The following PARVA variants were observed in gnomAD, a reference collection of about 807,000 sequenced individuals.
PARVA encodes the protein parvin alpha.
PARVA carries 25 observed loss-of-function variants against 52.6 expected under a neutral mutation model. The observed-to-expected ratio is 0.48, with a 90% confidence interval of 0.35 to 0.66. The LOEUF (loss-of-function observed/expected upper bound fraction) is 0.66. PARVA is among the 30% of genes least tolerant of loss of function. PARVA has a pLI of 0.01. For missense variants in PARVA, 373 were observed against 450.9 expected (o/e 0.83, Z 1.56); for synonymous variants, 185 against 179.1 (o/e 1.03, Z -0.26).
chr11:12,505,261 C>T (rs151271786), intron 6 of PARVA, among the ~76,000 whole-genome samples: 114 of 152,290 alleles, frequency 7.5e-4, no homozygotes, highest in African/African-American at 2.6e-3. Context: ...AGCTCCCTGG[C>T]GATCCAGGCT....
chr11:12,474,951 CAA>C (rs373253926), intron 3 of PARVA, among the ~76,000 whole-genome samples: 2,257 of 126,720 alleles, frequency 0.018, 44 homozygotes, highest in African/African-American at 0.056. Context: ...GACCCTGTCT[CAA>C]AAAAAAAAAA....
intron 1 of PARVA, among the ~76,000 whole-genome samples, chr11:12,438,042 C>T (rs554737500): frequency 3.2e-4 from 49 of 152,112 alleles, no homozygotes; most frequent in South Asian, 1.7e-3. Flanking sequence ...GGGTGGATCA[C>T]GATGTCAGGA....
intron 4 of PARVA, among the ~76,000 whole-genome samples, chr11:12,488,997 G>A (rs1419031388): frequency 6.6e-6 from 1 of 152,022 alleles, no homozygotes; most frequent in Non-Finnish European, 1.5e-5. Flanking sequence ...ATAATCTGTA[G>A]ATTCATCCCA....
chr11:12,473,645 G>T (rs1326096257), intron 1 of PARVA, 100 bp from the exon 2 acceptor site: 1 of 878,650 alleles, frequency 1.1e-6, no homozygotes. Flanking sequence ...CCCTTAGTGG[G>T]TTTTTTTCTC....
chr11:12,419,363 G>A (rs1486517986), intron 1 of PARVA, among the ~76,000 whole-genome samples: 7 of 151,544 alleles, frequency 4.6e-5, no homozygotes, highest in Non-Finnish European at 1.0e-4. Context: ...GAGTGGAATC[G>A]TATGATATTT....
At chr11:12,429,225 C>G (rs1272219484) in intron 1 of PARVA, among the ~76,000 whole-genome samples, 2 of 152,158 alleles carry the variant, frequency 1.3e-5, no homozygotes, top group African/African-American at 2.4e-5. Flanking sequence ...AAACAGTCCT[C>G]CCACCTCTGC....
chr11:12,414,558 T>A (rs1341254580), intron 1 of PARVA, among the ~76,000 whole-genome samples: 1 of 152,150 alleles, frequency 6.6e-6, no homozygotes, highest in Non-Finnish European at 1.5e-5. Context: ...AGAAAGCGTT[T>A]GGAGATGTTT....
intron 12 of PARVA, among the ~76,000 whole-genome samples, chr11:12,525,800 A>T (rs962207049): frequency 6.6e-6 from 1 of 152,140 alleles, no homozygotes; most frequent in Non-Finnish European, 1.5e-5. Context: ...AGGCCTCTCC[A>T]TGGGTCTCTG....
At chr11:12,499,550 G>A (rs1475101791) in intron 5 of PARVA, among the ~76,000 whole-genome samples, 2 of 150,692 alleles carry the variant, frequency 1.3e-5, no homozygotes, top group Non-Finnish European at 2.9e-5. Flanking sequence ...TGTATGTCTT[G>A]TATTCTTCTA....
intron 9 of PARVA, 64 bp from the exon 10 acceptor site, chr11:12,513,933 G>A (rs1265484251): frequency 2.8e-6 from 4 of 1,425,108 alleles, no homozygotes; most frequent in East Asian, 2.4e-5. Flanking sequence ...GAGTCACGGA[G>A]CAGCCACAGG....
At position 12,533,956 on chromosome 11, in the gene PARVA, C is replaced by T. The variant is rs1941804510; in HGVS notation, c.*6031C>T. Among the ~76,000 whole-genome samples, 1 of 152,034 alleles carries T rather than the reference C, an allele frequency of 6.6e-6. No homozygotes were observed. On this transcript the variant is annotated 3_prime_UTR_variant, in exon 13 of 13. Coordinates refer to ENST00000334956, the MANE Select transcript of PARVA (RefSeq NM_018222.5). Reference sequence around the variant, plus strand: ...GGCCGAGACGGACAGATCACAAGGTCAGGAGATTGAGACTATCCTGGCTAA... The same window carrying T: ...GGCCGAGACGGACAGATCACAAGGTTAGGAGATTGAGACTATCCTGGCTAA...
At chr11:12,514,668 G>C (rs1442226507) in intron 10 of PARVA, among the ~76,000 whole-genome samples, 1 of 152,128 alleles carries the variant, frequency 6.6e-6, no homozygotes, top group Admixed American at 6.5e-5. Context: ...TTTGTATTTA[G>C]TAGAGACGGG....
chr11:12,425,447 A>C (rs1286649356), intron 1 of PARVA, among the ~76,000 whole-genome samples: 1 of 152,226 alleles, frequency 6.6e-6, no homozygotes, highest in East Asian at 1.9e-4. Flanking sequence ...TTGCACCCCT[A>C]ACCCCAAAAT....
intron 1 of PARVA, among the ~76,000 whole-genome samples, chr11:12,433,435 T>C (rs1940342519): frequency 1.3e-5 from 2 of 152,204 alleles, no homozygotes; most frequent in Non-Finnish European, 2.9e-5. Flanking sequence ...GAATCAGCAA[T>C]GAAGGAAGCA....
At chr11:12,419,130 A>T (rs2134982339) in intron 1 of PARVA, among the ~76,000 whole-genome samples, 1 of 152,328 alleles carries the variant, frequency 6.6e-6, no homozygotes, top group East Asian at 1.9e-4. Context: ...AAATTGTAGT[A>T]AAATACATAT....
chr11:12,534,796 C>T lies in PARVA; in HGVS notation c.*6871C>T, dbSNP rs1056127255. The stretch of plus-strand genomic sequence containing the variant: ...CTGGAAACCCTGTCAAAGGCCTTAC[C>T]GCCTGCCTGGAGAAACACAGTGCCT... On this transcript the variant is annotated 3_prime_UTR_variant, in exon 13 of 13. Transcript: ENST00000334956. 3.3e-5 allele frequency among the ~76,000 whole-genome samples: 5 copies of T among 152,314 alleles called. No individual in the cohort carries two copies. The East Asian group carries it at 5.8e-4, about 18-fold the overall frequency.
At chr11:12,459,098 G>C (rs1472025267) in intron 1 of PARVA, among the ~76,000 whole-genome samples, 2 of 152,146 alleles carry the variant, frequency 1.3e-5, no homozygotes, top group African/African-American at 4.8e-5. Flanking sequence ...AAGTTTTCCG[G>C]ATGTTGGCTT....
chr11:12,461,879 T>A (rs1377323357), intron 1 of PARVA, among the ~76,000 whole-genome samples: 1 of 151,700 alleles, frequency 6.6e-6, no homozygotes, highest in African/African-American at 2.4e-5. Flanking sequence ...GGGCCATATG[T>A]CAACCTCGGT....
Position 12,471,824 on chromosome 11 carries a change from C to A in PARVA, c.137-1921C>A, listed in dbSNP as rs190833229. Among the ~76,000 whole-genome samples the A allele has an allele frequency of 5.6e-4, 85 of 152,280 alleles. 1 individual carries two copies. The East Asian group carries it at 7.5e-3, about 13-fold the overall frequency. On this transcript the variant is annotated intron_variant, in intron 1 of 12. Transcript: ENST00000334956. ...CTAGTAGCTACTGTATTGGACAGTG[C>A]CGATCAGTGTAGCTACAGGAGAGAA...
Sources: allele counts gnomAD v4.1 joint callset (sites outside exome capture counted in the v4.1 genomes callset), GRCh38; gene constraint gnomAD v4.1.1; transcripts MANE v1.5; gene names NCBI Gene and HGNC (gene_info 2026-07-23, HGNC 2026-07-21).